Variants in SH2B3 observed in about 807,000 individuals in gnomAD.
The protein encoded by SH2B3 is SH2B adaptor protein 3, also known as SH2B adapter protein 3.
A neutral mutation model predicts 51.9 loss-of-function variants in SH2B3; 43 were observed. That is an observed-to-expected ratio of 0.83 (90% confidence interval 0.65 to 1.07). SH2B3 has a LOEUF of 1.07. Ranked by LOEUF, SH2B3 falls within the 50% of genes least tolerant of loss-of-function variation. The pLI is 0.00. For synonymous variants in SH2B3, 396 were observed against 376.0 expected (o/e 1.05, Z -0.62); for missense variants, 952 against 834.3 (o/e 1.14, Z -1.74).
chr12:111,441,734 CAG>C (rs954245163), intron 2 of SH2B3, among the ~76,000 whole-genome samples: 6 of 152,150 alleles, frequency 3.9e-5, no homozygotes, highest in African/African-American at 7.2e-5. Flanking sequence ...CAGGACTTCT[CAG>C]AGTCTTTAAT....
At chr12:111,421,210 A>G (rs1871524138) in intron 2 of SH2B3, among the ~76,000 whole-genome samples, 1 of 151,594 alleles carries the variant, frequency 6.6e-6, no homozygotes, top group Admixed American at 6.6e-5. Context: ...TGGTGTGATC[A>G]TGGCTCGCTG....
intron 2 of SH2B3, among the ~76,000 whole-genome samples, chr12:111,430,806 G>A (rs1872415813): frequency 6.6e-6 from 1 of 152,146 alleles, no homozygotes; most frequent in South Asian, 2.1e-4. Context: ...GGCATGATGT[G>A]TTCCTACCCT....
chr12:111,416,332 C>G (rs888055273), intron 1 of SH2B3, among the ~76,000 whole-genome samples: 1 of 152,172 alleles, frequency 6.6e-6, no homozygotes, highest in East Asian at 1.9e-4. Context: ...GCATTTTCTA[C>G]GTTCTAGGGC....
chr12:111,428,468 C>T (rs1439971073), intron 2 of SH2B3, among the ~76,000 whole-genome samples: 3 of 152,160 alleles, frequency 2.0e-5, no homozygotes, highest in Non-Finnish European at 4.4e-5. Context: ...TGCTGGGCCT[C>T]AGTTTTCTGT....
intron 2 of SH2B3, among the ~76,000 whole-genome samples, chr12:111,431,257 T>A (rs942020473): frequency 6.6e-6 from 1 of 152,042 alleles, no homozygotes; most frequent in African/African-American, 2.4e-5. Flanking sequence ...CCCCACCCCA[T>A]GCCTGACTCG....
chr12:111,414,208 C>T (rs891290140), intron 1 of SH2B3, among the ~76,000 whole-genome samples: 2 of 152,244 alleles, frequency 1.3e-5, no homozygotes, highest in African/African-American at 2.4e-5. Flanking sequence ...CTCCCTCTCC[C>T]TTCCCATCTG....
intron 5 of SH2B3, 46 bp from the exon 6 acceptor site, chr12:111,447,284 C>A: frequency 6.3e-7 from 1 of 1,587,052 alleles, no homozygotes; most frequent in Non-Finnish European, 8.7e-7. Flanking sequence ...CAGCCCAGGA[C>A]ATAAGGTAGC....
chr12:111,450,491 T>A lies in SH2B3; in HGVS notation c.*2189T>A, dbSNP rs533438265. Reference sequence around the variant, plus strand: ...GGTACCCAGTAGATAATGAACCAAATTAAGTTCCCTCCCTCCAGCCAGAAG... The same window carrying A: ...GGTACCCAGTAGATAATGAACCAAAATAAGTTCCCTCCCTCCAGCCAGAAG... On this transcript the variant is annotated 3_prime_UTR_variant, in exon 8 of 8. Transcript: ENST00000341259. 2.0e-5 allele frequency: 3 copies of A among 152,314 alleles called. No individual in the cohort carries two copies. The East Asian group carries it at 5.8e-4, about 29-fold the overall frequency. 9.4% of individuals were successfully genotyped at this position (152,314 alleles called of 1,614,324 possible).
At chr12:111,405,671 T>C (rs945504195), upstream of SH2B3, among the ~76,000 whole-genome samples, 6 of 152,198 alleles carry the variant, frequency 3.9e-5, no homozygotes, top group Non-Finnish European at 5.9e-5. The surrounding 1 kb of genome is among the most constrained non-coding windows in gnomAD (Gnocchi z 5.4). Context: ...GGGCACGTGG[T>C]GGGCGTGGCT....
chr12:111,427,342 C>G (rs1462699264), intron 2 of SH2B3, among the ~76,000 whole-genome samples: 1 of 143,768 alleles, frequency 7.0e-6, no homozygotes, highest in Non-Finnish European at 1.5e-5. Context: ...GCTGAGATTG[C>G]ACCGTTGCAC....
upstream of SH2B3, among the ~76,000 whole-genome samples, chr12:111,405,135 C>CG (rs1412928675): frequency 6.6e-6 from 1 of 152,032 alleles, no homozygotes. The surrounding 1 kb of genome is among the most constrained non-coding windows in gnomAD (Gnocchi z 5.4). Context: ...GTAAGTAGCC[C>CG]GGGGGCGGGC....
Position 111,447,008 on chromosome 12 carries a change from G to T in SH2B3, c.901G>T (p.Glu301Ter). The T allele has an allele frequency of 2.5e-6, 4 of 1,614,010 alleles. No homozygotes were observed. The highest frequency in any genetic ancestry group is 3.4e-6 in the Non-Finnish European group (4 of 1,179,932). ...GCAGCAGCTGAATTCATGGATGGCT[G>T]AGCTCTCGGAGTGCACAGGCCGAGG... Reference protein sequence around the residue: ...DEQQLNSWMAELSECTGRGLE... With the variant: ...DEQQLNSWMA Residue 301 changes from glutamate to a stop codon, truncating the protein, a stop_gained, in exon 4 of 8, where the codon GAG becomes TAG. Coordinates refer to ENST00000341259, the MANE Select transcript of SH2B3 (RefSeq NM_005475.3). LOFTEE classifies it high-confidence loss of function.
At chr12:111,432,176 C>G (rs1199388636) in intron 2 of SH2B3, among the ~76,000 whole-genome samples, 1 of 151,094 alleles carries the variant, frequency 6.6e-6, no homozygotes, top group Non-Finnish European at 1.5e-5. Context: ...CTCAGGCTCC[C>G]GAGTAGCCAG....
Position 111,446,943 on chromosome 12 carries a change from T to C in SH2B3, c.836T>C (p.Val279Ala), listed in dbSNP as rs1269277761. The C allele has an allele frequency of 2.5e-6, 4 of 1,613,444 alleles. No homozygotes were observed. The highest frequency in any genetic ancestry group is 3.4e-6 in the Non-Finnish European group (4 of 1,179,474). ...CCCTGTTCCCTTCCTCCCTGCCAGG[T>C]GAAGGACCGGACAGACATCATCTTT... ...PDNLYTFVLK[V>A]KDRTDIIFEV... The change falls in exon 4 of 8, where the codon GTG (valine) becomes GCG (alanine). Residue 279 changes from valine (V) to alanine (A), a missense_variant and splice_region_variant. Physicochemically the swap from Val to Ala is moderately conservative, Grantham distance 64 (BLOSUM62 0). Coordinates refer to ENST00000341259, the MANE Select transcript of SH2B3 (RefSeq NM_005475.3).
chr12:111,417,883 A>G (rs992086540), intron 1 of SH2B3, among the ~76,000 whole-genome samples: 2 of 152,216 alleles, frequency 1.3e-5, no homozygotes, highest in Non-Finnish European at 2.9e-5. Context: ...AAATGATCAT[A>G]TGGTTTTTGT....
At chr12:111,428,322 C>T (rs892494122) in intron 2 of SH2B3, among the ~76,000 whole-genome samples, 12 of 152,290 alleles carry the variant, frequency 7.9e-5, no homozygotes, top group South Asian at 2.1e-4. Context: ...CTGAGCCCCC[C>T]GCTGCATCAC....
At chr12:111,427,388 GAAAAAAAA>G (rs557658468) in intron 2 of SH2B3, among the ~76,000 whole-genome samples, 20,916 of 82,226 alleles carry the variant, frequency 0.25, 1,988 homozygotes, top group East Asian at 0.46. Context: ...TCCATCTCAG[GAAAAAAAA>G]AAAAAAAAAA....
chr12:111,429,892 A>C lies in SH2B3; in HGVS notation c.732+11015A>C, dbSNP rs1177714736. On this transcript the variant is annotated intron_variant, in intron 2 of 7. Transcript: ENST00000341259. This position sits in a 1 kb window ranked among gnomAD's most constrained non-coding sequence, Gnocchi z 4.4. ...TTTGTGTTTAGGCCCCAGAACAGGC[A>C]GAGAGAAAGCACCCACCCTCCACCG... is the stretch of plus-strand genomic sequence containing the variant. 6.6e-6 allele frequency among the ~76,000 whole-genome samples: 1 copy of C among 152,198 alleles called. No homozygotes were observed. Among genetic ancestry groups the C allele is most frequent in the Non-Finnish European group, 1.5e-5 (1 of 68,038 alleles).
chr12:111,446,927 C>T lies in SH2B3; in HGVS notation c.835-15C>T, dbSNP rs777518679. 29 of 1,612,940 alleles carry T rather than the reference C, an allele frequency of 1.8e-5. No homozygotes were observed. Among genetic ancestry groups the T allele is most frequent in the Non-Finnish European group, 2.5e-5 (29 of 1,178,920 alleles). On this transcript the variant is annotated splice_polypyrimidine_tract_variant and intron_variant, in intron 3 of 7. Coordinates refer to ENST00000341259, the MANE Select transcript of SH2B3 (RefSeq NM_005475.3). ...CATACAGCAGACCCAACCCTGTTCC[C>T]TTCCTCCCTGCCAGGTGAAGGACCG...
Sources: allele counts gnomAD v4.1 joint callset (sites outside exome capture counted in the v4.1 genomes callset), GRCh38; gene constraint gnomAD v4.1.1; non-coding constraint Gnocchi (gnomAD v3.1); transcripts MANE v1.5; gene names NCBI Gene and HGNC (gene_info 2026-07-23, HGNC 2026-07-21).